The following DMD variants were observed in gnomAD, a reference collection of about 807,000 sequenced individuals.
DMD encodes dystrophin, also known as mutant dystrophin.
DMD carries 63 observed loss-of-function variants against 330.1 expected under a neutral mutation model. The observed-to-expected ratio is 0.19, with a 90% CI of 0.16 to 0.24. DMD has a LOEUF of 0.24. Among genes scored for constraint, DMD ranks in the 10% least tolerant of loss-of-function variants. The probability of loss-of-function intolerance (pLI) is 1.00; values close to 1 mark genes in which losing one functional copy is unlikely to be tolerated. For missense variants in DMD, 3,344 were observed against 2,684.1 expected, an observed-to-expected ratio of 1.25 and a Z score of -5.43; for synonymous variants, 1,223 against 959.8, an observed-to-expected ratio of 1.27 and a Z score of -5.07.
chrX:33,280,315 CAA>C (rs918691404), intron 1 of DMD, among the ~76,000 whole-genome samples: 4 of 112,025 alleles, frequency 3.6e-5, no homozygotes, highest in African/African-American at 1.3e-4. Flanking sequence ...TTTTGCATAG[CAA>C]AAGTTTTTTA....
chrX:31,440,278 G>A (rs975004076), intron 60 of DMD, among the ~76,000 whole-genome samples: 1 of 109,711 alleles, frequency 9.1e-6, no homozygotes, highest in Non-Finnish European at 1.9e-5. Context: ...TTCCCAAGTA[G>A]CTGATCTACA....
intron 7 of DMD, among the ~76,000 whole-genome samples, chrX:32,719,451 A>T (rs955460370): frequency 2.7e-5 from 3 of 111,760 alleles, no homozygotes; most frequent in African/African-American, 9.8e-5. Flanking sequence ...TAAAGTATAC[A>T]TATGTTGCCA....
At chrX:32,521,350 C>T (rs759435254) in intron 17 of DMD, among the ~76,000 whole-genome samples, 2 of 111,579 alleles carry the variant, frequency 1.8e-5, no homozygotes, top group Non-Finnish European at 3.8e-5. Context: ...TGTAATTTTT[C>T]TTCCTTTGGC....
rs2058209019 is a variant in DMD at position 31,348,321 on chromosome X, A to G, written c.9163+235T>C. 2.9e-5 allele frequency: 12 copies of G among 416,768 alleles called. No homozygotes were observed. In the East Asian group the frequency reaches 4.5e-4, roughly 16 times the overall value. 34.3% of individuals were successfully genotyped at this position (416,768 alleles called of 1,213,427 possible). A position where few individuals can be genotyped will look rare whatever the true frequency, so the allele number is the denominator to read the frequency against. On this transcript the variant is annotated intron_variant, in intron 61 of 78. Coordinates refer to ENST00000357033, the MANE Select transcript of DMD (RefSeq NM_004006.3). The stretch of plus-strand genomic sequence containing the variant: ...TAATATGGTTAACATTTGAGAATAT[A>G]GTGCAGGAAACAATTATGCATTAGC...
rs1001524468 is a variant in DMD, at chrX:31,958,625, C to T, written c.6614+9714G>A. Among the ~76,000 whole-genome samples the T allele has an allele frequency of 3.6e-5, 4 of 111,692 alleles. No homozygotes were observed. In the South Asian group the frequency reaches 1.5e-3, roughly 43 times the overall value. Reference sequence around the variant, plus strand: ...CTTCCTGACACCTGAACTCCTTTTCCACAGCAGTGCTTAATGGTTAATGTG... The same window carrying T: ...CTTCCTGACACCTGAACTCCTTTTCTACAGCAGTGCTTAATGGTTAATGTG... On this transcript the variant is annotated intron_variant, in intron 45 of 78. Coordinates refer to ENST00000357033, the MANE Select transcript of DMD (RefSeq NM_004006.3).
At chrX:32,413,250 A>G (rs1264145319) in intron 29 of DMD, among the ~76,000 whole-genome samples, 1 of 110,935 alleles carries the variant, frequency 9.0e-6, no homozygotes, top group African/African-American at 3.3e-5. Context: ...ATATTCTGCA[A>G]CCACCAAAAG....
chrX:31,741,124 GA>G (rs2087302549), intron 51 of DMD, among the ~76,000 whole-genome samples: 1 of 111,729 alleles, frequency 9.0e-6, no homozygotes, highest in Non-Finnish European at 1.9e-5. Context: ...CACACCTTCT[GA>G]CTCCACTTCT....
At chrX:32,860,480 C>T (rs2081992773) in intron 2 of DMD, among the ~76,000 whole-genome samples, 2 of 111,653 alleles carry the variant, frequency 1.8e-5, no homozygotes, top group Admixed American at 1.9e-4. Flanking sequence ...CAAAGAATTG[C>T]AAAACTGGGG....
chrX:32,388,715 T>C (rs1395067778), intron 32 of DMD, among the ~76,000 whole-genome samples: 1 of 110,442 alleles, frequency 9.1e-6, no homozygotes, highest in Non-Finnish European at 1.9e-5. Context: ...GTTTTCCCTT[T>C]AATAACATTC....
chrX:31,550,203 A>G (rs2074393683), intron 55 of DMD, among the ~76,000 whole-genome samples: 1 of 111,748 alleles, frequency 8.9e-6, no homozygotes. Context: ...CATGGAATCC[A>G]CAATGGAAAT....
intron 22 of DMD, among the ~76,000 whole-genome samples, chrX:32,470,318 T>G (rs1371237366): frequency 9.0e-6 from 1 of 111,570 alleles, no homozygotes; most frequent in African/African-American, 3.2e-5. Flanking sequence ...TTCCATCGAT[T>G]TTTATGCTTC....
chrX:32,454,637 T>G (rs766486959), intron 26 of DMD, 25 bp downstream of exon 26: 100 of 1,084,470 alleles, frequency 9.2e-5, no homozygotes, highest in Non-Finnish European at 1.1e-4. Flanking sequence ...TTTGTTTTAC[T>G]TAGTTTTTCT....
intron 47 of DMD, among the ~76,000 whole-genome samples, chrX:31,922,589 G>C (rs1466620468): frequency 5.5e-5 from 6 of 109,678 alleles, no homozygotes; most frequent in African/African-American, 2.0e-4. Flanking sequence ...TCAATCTATG[G>C]GATCTGACAC....
intron 9 of DMD, among the ~76,000 whole-genome samples, chrX:32,677,602 C>G (rs887881624): frequency 9.0e-6 from 1 of 111,527 alleles, no homozygotes; most frequent in Admixed American, 9.6e-5. Context: ...CAATAACTTA[C>G]AAGAAAATAC....
chrX:32,583,504 A>C (rs1158497174), intron 13 of DMD, among the ~76,000 whole-genome samples: 3 of 111,732 alleles, frequency 2.7e-5, no homozygotes, highest in East Asian at 2.8e-4. Context: ...CATCTCAAAA[A>C]AATATTACCA....
chrX:31,615,213 A>C (rs1327120555), intron 55 of DMD, among the ~76,000 whole-genome samples: 3 of 111,880 alleles, frequency 2.7e-5, no homozygotes, highest in Non-Finnish European at 5.6e-5. Flanking sequence ...TGACCTTTTC[A>C]ATTCTTGTTT....
In DMD at chrX:32,699,274, T is replaced by G; in HGVS notation, c.669A>C (p.Pro223=). The change falls in exon 8 of 79, where the codon CCA becomes CCC. Residue 223 remains proline, a synonymous_variant. Coordinates refer to ENST00000357033, the MANE Select transcript of DMD (RefSeq NM_004006.3). ...LDPEDVDTTY[P]DKKSILMYIT... is the part of the protein sequence containing the mutation. ...TGTACATTAAGATGGACTTCTTATC[T>G]GGATAGGTGGTATCAACATCTGTAA... 1 of 1,208,003 alleles carries G rather than the reference T, an allele frequency of 8.3e-7. No individual in the cohort carries two copies. The highest frequency in any genetic ancestry group is 3.0e-5 in the East Asian group (1 of 33,787).
intron 12 of DMD, among the ~76,000 whole-genome samples, chrX:32,607,958 C>A (rs1161857068): frequency 3.7e-5 from 4 of 109,303 alleles, no homozygotes; most frequent in Admixed American, 9.8e-5. Flanking sequence ...AGGTCAGTGT[C>A]TTCTCATGAG....
At chrX:32,499,067 G>A (rs1335173437) in intron 19 of DMD, among the ~76,000 whole-genome samples, 1 of 111,957 alleles carries the variant, frequency 8.9e-6, no homozygotes, top group Non-Finnish European at 1.9e-5. Context: ...TATGTCTGAT[G>A]TACCATTTCA....
Sources: allele counts gnomAD v4.1 joint callset (sites outside exome capture counted in the v4.1 genomes callset), GRCh38; gene constraint gnomAD v4.1.1; transcripts MANE v1.5; gene names NCBI Gene and HGNC (gene_info 2026-07-23, HGNC 2026-07-21).